SVOPL: variants seen among roughly 807,000 people sequenced by gnomAD.
SVOPL encodes the protein putative transporter SVOPL.
In SVOPL, 60 loss-of-function variants were observed where a neutral mutation model predicts 61.0. The ratio of observed to expected loss-of-function variants is 0.98; its 90% CI spans 0.80 to 1.22. The LOEUF is 1.22. Among genes scored for constraint, SVOPL ranks in the 50% most tolerant of loss-of-function variants. The probability of loss-of-function intolerance (pLI) is 0.00; values close to 1 mark genes in which losing one functional copy is unlikely to be tolerated. For synonymous variants in SVOPL, 279 were observed against 250.0 expected, an observed-to-expected ratio of 1.12 and a Z score of -1.09; for missense variants, 662 against 643.9, an observed-to-expected ratio of 1.03 and a Z score of -0.30.
intron 15 of SVOPL, 140 bp from the exon 16 acceptor site, chr7:138,594,761 G>A: frequency 1.8e-6 from 1 of 551,834 alleles, no homozygotes; most frequent in Non-Finnish European, 3.0e-6. Flanking sequence ...ATTTACCTTT[G>A]TGTATCTGAA....
intron 7 of SVOPL, among the ~76,000 whole-genome samples, chr7:138,656,007 A>G (rs1157764351): frequency 1.3e-5 from 2 of 152,192 alleles, no homozygotes; most frequent in Non-Finnish European, 2.9e-5. Flanking sequence ...CAGGAAAAGA[A>G]GAAGTCCATT....
Position 138,594,492 on chromosome 7 carries a change from A to G in SVOPL, c.*118T>C, listed in dbSNP as rs1427930414. On this transcript the variant is annotated 3_prime_UTR_variant, in exon 16 of 16. Transcript: ENST00000674285. ...TCCCATATATGCCTTTAAAAAAAAAATCACTTTACTAATTACCGAGTAGCA... is the reference window on the plus strand; with the variant it reads ...TCCCATATATGCCTTTAAAAAAAAAGTCACTTTACTAATTACCGAGTAGCA... 5.8e-6 allele frequency: 5 copies of G among 854,782 alleles called. No individual in the cohort carries two copies. Among genetic ancestry groups the G allele is most frequent in the African/African-American group, 1.7e-5 (1 of 58,648 alleles). 52.9% of individuals were successfully genotyped at this position (854,782 alleles called of 1,614,324 possible).
At chr7:138,623,285 C>G (rs549312526) in intron 13 of SVOPL, among the ~76,000 whole-genome samples, 249 of 152,164 alleles carry the variant, frequency 1.6e-3, no homozygotes, top group African/African-American at 5.8e-3. Flanking sequence ...AGTTACACAC[C>G]TCTTTTAAAA....
intron 7 of SVOPL, among the ~76,000 whole-genome samples, chr7:138,649,611 C>G (rs1801319231): frequency 6.6e-6 from 1 of 151,722 alleles, no homozygotes; most frequent in African/African-American, 2.4e-5. Context: ...GTGACTATTT[C>G]ATCACTAAAG....
chr7:138,700,577 G>A (rs1429092371), intron 1 of SVOPL, among the ~76,000 whole-genome samples: 3 of 152,010 alleles, frequency 2.0e-5, no homozygotes, highest in African/African-American at 4.8e-5. Context: ...CTGACCTTGT[G>A]ATCCACCCAC....
chr7:138,601,761 A>G (rs1217049954), intron 14 of SVOPL, among the ~76,000 whole-genome samples: 5 of 152,164 alleles, frequency 3.3e-5, no homozygotes, highest in Non-Finnish European at 7.3e-5. Context: ...AAATTATTCA[A>G]TAGACTTTTT....
At chr7:138,624,864 T>C (rs1799825251) in intron 13 of SVOPL, among the ~76,000 whole-genome samples, 1 of 152,008 alleles carries the variant, frequency 6.6e-6, no homozygotes, top group Non-Finnish European at 1.5e-5. Context: ...CCCCCATCCC[T>C]GGCTAATTTT....
chr7:138,627,282 C>CA, intron 12 of SVOPL, 68 bp downstream of exon 12: 1 of 1,195,312 alleles, frequency 8.4e-7, no homozygotes, highest in East Asian at 2.5e-5. Context: ...AACTACTGAA[C>CA]ACCATGGGTC....
chr7:138,622,798 T>C (rs1799731787), intron 13 of SVOPL, among the ~76,000 whole-genome samples: 1 of 152,210 alleles, frequency 6.6e-6, no homozygotes, highest in South Asian at 2.1e-4. Context: ...TTGATATTTA[T>C]AGTAAAATCT....
At chr7:138,605,086 G>A (rs994634424) in intron 14 of SVOPL, among the ~76,000 whole-genome samples, 4 of 150,150 alleles carry the variant, frequency 2.7e-5, no homozygotes, top group African/African-American at 9.8e-5. Flanking sequence ...GAAAATAATC[G>A]CTAATGTAGA....
intron 7 of SVOPL, among the ~76,000 whole-genome samples, chr7:138,652,012 A>G (rs1584836770): frequency 6.6e-6 from 1 of 151,692 alleles, no homozygotes; most frequent in South Asian, 2.1e-4. Context: ...TGATCCTCCC[A>G]TCTCAGCCTG....
chr7:138,663,407 C>A, intron 4 of SVOPL: 7 of 1,358,740 alleles, frequency 5.2e-6, no homozygotes, highest in South Asian at 1.6e-5. Context: ...TGCTAGAGGA[C>A]GGCTTCGGCT....
chr7:138,679,300 C>T (rs751820192), intron 1 of SVOPL, among the ~76,000 whole-genome samples: 10 of 152,036 alleles, frequency 6.6e-5, no homozygotes, highest in Admixed American at 2.0e-4. Flanking sequence ...GATGGAGTCT[C>T]GCTCTGTTGC....
At chr7:138,661,584 C>T in intron 5 of SVOPL, 5 of 985,356 alleles carry the variant, frequency 5.1e-6, no homozygotes, top group Non-Finnish European at 6.0e-6. Flanking sequence ...AAGGTTACCG[C>T]AAGTTGCACA....
chr7:138,696,713 C>A (rs1429947696), intron 1 of SVOPL, among the ~76,000 whole-genome samples: 1 of 152,084 alleles, frequency 6.6e-6, no homozygotes, highest in Admixed American at 6.6e-5. Context: ...CGTGAGCCAC[C>A]GCACCCTGGT....
chr7:138,600,999 C>G (rs1283905485), intron 14 of SVOPL, among the ~76,000 whole-genome samples: 1 of 152,094 alleles, frequency 6.6e-6, no homozygotes, highest in Non-Finnish European at 1.5e-5. Context: ...CACCTGTAAT[C>G]CCAGCACTTT....
chr7:138,658,291 C>T (rs531110262), intron 6 of SVOPL, among the ~76,000 whole-genome samples: 3 of 152,120 alleles, frequency 2.0e-5, no homozygotes, highest in South Asian at 4.1e-4. Flanking sequence ...ATATTCCCCC[C>T]CCTCCCTTTT....
chr7:138,598,879 T>C (rs1283218839), intron 14 of SVOPL, among the ~76,000 whole-genome samples: 1 of 152,016 alleles, frequency 6.6e-6, no homozygotes, highest in Non-Finnish European at 1.5e-5. Flanking sequence ...GCAAATACAA[T>C]CTTGTAAAAA....
At chr7:138,608,790 C>G (rs1798868370) in intron 14 of SVOPL, among the ~76,000 whole-genome samples, 1 of 152,022 alleles carries the variant, frequency 6.6e-6, no homozygotes, top group Admixed American at 6.6e-5. Flanking sequence ...GAGAAATATA[C>G]AGAGAAATAC....
Sources: gnomAD v4.1 joint callset for allele counts (sites outside exome capture counted in the v4.1 genomes callset) on GRCh38, gnomAD v4.1.1 for gene constraint, MANE v1.5 for transcripts, NCBI Gene and HGNC (gene_info 2026-07-23, HGNC 2026-07-21) for gene names.